TBC1D8: variants seen among roughly 807,000 people sequenced by gnomAD.
TBC1D8 encodes the protein BUB2-like protein 1.
Under a neutral mutation model 118.8 loss-of-function variants are expected in TBC1D8, and 65 were observed. That is an observed-to-expected ratio of 0.55 (90% CI 0.45 to 0.67). TBC1D8 has a LOEUF of 0.67. Ranked by LOEUF, TBC1D8 falls within the 30% of genes least tolerant of loss-of-function variation. The pLI, the probability that TBC1D8 is intolerant of heterozygous loss-of-function variation, is 0.00. For missense variants in TBC1D8, 1,376 were observed against 1,471.2 expected (o/e 0.94, Z 1.06); for synonymous variants, 566 against 595.8 (o/e 0.95, Z 0.73).
At chr2:101,055,804 C>T (rs1682385277) in intron 3 of TBC1D8, among the ~76,000 whole-genome samples, 1 of 151,982 alleles carries the variant, frequency 6.6e-6, no homozygotes, top group African/African-American at 2.4e-5. Flanking sequence ...ACTCCTGGGC[C>T]CCAAGCCTCA....
At chr2:101,026,578 C>T (rs999551447) in intron 15 of TBC1D8, among the ~76,000 whole-genome samples, 12 of 152,194 alleles carry the variant, frequency 7.9e-5, no homozygotes, top group South Asian at 6.2e-4. Flanking sequence ...AACCTGGGCT[C>T]AGGAGGGAAA....
Position 101,022,455 on chromosome 2 carries a change from G to A in TBC1D8, c.2587C>T (p.Arg863Trp), listed in dbSNP as rs1488631544. 13 of 1,609,658 alleles carry A rather than the reference G, an allele frequency of 8.1e-6. No individual in the cohort carries two copies. Among genetic ancestry groups the A allele is most frequent in the Middle Eastern group, 1.7e-4 (1 of 6,058 alleles). ...RPMASRHDPSRPYAEQYRIDA... is the reference protein window; with the variant it reads ...RPMASRHDPSWPYAEQYRIDA... ...ATGCGGTACTGCTCAGCATAGGGCC[G>A]GCTGGGGTCGTGGCGTGAGGCCATG... The change falls in exon 16 of 20, where the codon CGG becomes TGG. Residue 863 changes from arginine (R) to tryptophan (W), a missense_variant. Coordinates refer to ENST00000409318, the MANE Select transcript of TBC1D8 (RefSeq NM_001330348.2).
At chr2:101,135,228 C>T (rs551102393) in intron 1 of TBC1D8, among the ~76,000 whole-genome samples, 12 of 152,272 alleles carry the variant, frequency 7.9e-5, no homozygotes, top group African/African-American at 2.4e-4. Context: ...GTGAGATACA[C>T]GTCTTGTCAA....
intron 17 of TBC1D8, chr2:101,017,869 C>T (rs1347006431): frequency 1.9e-6 from 3 of 1,550,716 alleles, no homozygotes; most frequent in African/African-American, 2.7e-5. Context: ...GTCTTCAAAA[C>T]GATGATCTCT....
rs186902771 is a variant in TBC1D8 at position 101,079,029 on chromosome 2, C to T, written c.283+11180G>A. ...GAGAGACCAGAGTAGGCAGGCAACA[C>T]ACCCACTGGGGTCAGACCAGCAAAA... On this transcript the variant is annotated intron_variant, in intron 2 of 19. Coordinates refer to ENST00000409318, the MANE Select transcript of TBC1D8 (RefSeq NM_001330348.2). Among the ~76,000 whole-genome samples the T allele has an allele frequency of 2.3e-4, 35 of 152,296 alleles. 1 individual carries two copies. The East Asian group carries it at 6.0e-3, about 26-fold the overall frequency.
intron 5 of TBC1D8, among the ~76,000 whole-genome samples, chr2:101,049,100 AT>A (rs758389240): frequency 1.3e-5 from 2 of 152,200 alleles, no homozygotes; most frequent in South Asian, 2.1e-4. Flanking sequence ...CCTGCTTTCA[AT>A]TCTTTAGCGT....
chr2:101,028,422 G>C lies in TBC1D8; in HGVS notation c.2233C>G (p.His745Asp). The change falls in exon 13 of 20, where the codon CAC becomes GAC. Residue 745 changes from histidine to aspartate, a missense_variant. By Grantham distance (81) the His-to-Asp change is moderately conservative. Transcript: ENST00000409318. ...ALMILSRFLD[H>D]IKNEDSPGPP... Reference sequence around the variant, plus strand: ...CCTGGGCTGTCCTCATTCTTAATGTGATCTAGAAACCTGAACACACCGCCC... The same window carrying C: ...CCTGGGCTGTCCTCATTCTTAATGTCATCTAGAAACCTGAACACACCGCCC... The C allele has an allele frequency of 6.3e-7, 1 of 1,577,894 alleles. No homozygotes were observed. The highest frequency in any genetic ancestry group is 8.6e-7 in the Non-Finnish European group (1 of 1,163,688).
chr2:101,139,375 C>T (rs1028257295), intron 1 of TBC1D8, among the ~76,000 whole-genome samples: 1 of 152,056 alleles, frequency 6.6e-6, no homozygotes, highest in African/African-American at 2.4e-5. Flanking sequence ...TGCCTTCATC[C>T]GCCATCCCTA....
At position 101,138,932 on chromosome 2, in the gene TBC1D8, C is replaced by A. The variant is rs143361348; in HGVS notation, c.127+12195G>T. Reference sequence around the variant, plus strand: ...CTGGTGACCAGTCTCCACCCAGGAGCCCACCAAGAGTCACCTCATTAGAAC... The same window carrying A: ...CTGGTGACCAGTCTCCACCCAGGAGACCACCAAGAGTCACCTCATTAGAAC... On this transcript the variant is annotated intron_variant, in intron 1 of 19. Coordinates refer to ENST00000409318, the MANE Select transcript of TBC1D8 (RefSeq NM_001330348.2). Among the ~76,000 whole-genome samples, 1,111 of 152,216 alleles carry A rather than the reference C, an allele frequency of 7.3e-3. 14 individuals are homozygous for A. The highest frequency in any genetic ancestry group is 9.3e-3 in the Non-Finnish European group (635 of 68,000).
rs561049681 is a variant in TBC1D8 at position 101,144,354 on chromosome 2, A to C, written c.127+6773T>G. Among the ~76,000 whole-genome samples the C allele has an allele frequency of 2.4e-3, 363 of 152,172 alleles. 4 individuals are homozygous for C. Among genetic ancestry groups the C allele is most frequent in the African/African-American group, 8.6e-3 (356 of 41,526 alleles). On this transcript the variant is annotated intron_variant, in intron 1 of 19. Transcript: ENST00000409318. ...GGTACATCTCCAGGAAGTGGAGCTC[A>C]GGCGGAGCCCCAAAGGTTCACAAGA...
intron 11 of TBC1D8, among the ~76,000 whole-genome samples, chr2:101,030,192 A>T (rs543974877): frequency 6.6e-6 from 1 of 152,358 alleles, no homozygotes; most frequent in South Asian, 2.1e-4. Flanking sequence ...GACTTCATCA[A>T]AATTAAAACT....
At chr2:101,058,316 A>G (rs983731259) in intron 3 of TBC1D8, among the ~76,000 whole-genome samples, 2 of 152,218 alleles carry the variant, frequency 1.3e-5, no homozygotes, top group African/African-American at 2.4e-5. Flanking sequence ...GTTCCTCCAA[A>G]ATCAAAAATC....
intron 3 of TBC1D8, among the ~76,000 whole-genome samples, chr2:101,054,582 C>T (rs867910002): frequency 2.6e-4 from 40 of 151,596 alleles, no homozygotes; most frequent in South Asian, 1.0e-3. Flanking sequence ...ACCAGTCTCT[C>T]ACTCGGCCAC....
chr2:101,131,513 CA>C (rs1004288067), intron 1 of TBC1D8, among the ~76,000 whole-genome samples: 3 of 142,570 alleles, frequency 2.1e-5, no homozygotes, highest in Admixed American at 1.4e-4. Context: ...AACTCCGTTT[CA>C]AAAAAAAAAC....
intron 1 of TBC1D8, among the ~76,000 whole-genome samples, chr2:101,120,249 C>T (rs1171951657): frequency 1.3e-5 from 2 of 152,196 alleles, no homozygotes; most frequent in Admixed American, 1.3e-4. Context: ...CCGCTGCTCC[C>T]AACTCAAACC....
At chr2:101,145,623 A>T (rs1679288693) in intron 1 of TBC1D8, among the ~76,000 whole-genome samples, 1 of 152,206 alleles carries the variant, frequency 6.6e-6, no homozygotes, top group South Asian at 2.1e-4. Context: ...CAAGCCTTGT[A>T]ACCCCACATG....
chr2:101,146,009 CAAACCTACCAGGT>C (rs1425891739), intron 1 of TBC1D8, among the ~76,000 whole-genome samples: 1 of 151,956 alleles, frequency 6.6e-6, no homozygotes, highest in Admixed American at 6.6e-5. Flanking sequence ...TTTCTTCTGT[CAAACCTACCAGGT>C]GCCAAGCACA....
rs777249286 is a variant in TBC1D8 at position 101,090,322 on chromosome 2, G to T, written c.170C>A (p.Ala57Glu). 1 of 1,613,890 alleles carries T rather than the reference G, an allele frequency of 6.2e-7. No homozygotes were observed. Among genetic ancestry groups the T allele is most frequent in the Admixed American group, 1.7e-5 (1 of 60,004 alleles). Residue 57 changes from alanine to glutamate, a missense_variant, in exon 2 of 20, where the codon GCA becomes GAA. By Grantham distance (107) the Ala-to-Glu change is moderately radical (BLOSUM62 -1). Transcript: ENST00000409318. ...CAGAATTCGAAATGGAGCGACCCGT[G>T]CATTGGAATCCAACACTGCATCCAG... Reference protein sequence around the residue: ...GALDAVLDSNARVAPFRILLQ... With the variant: ...GALDAVLDSNERVAPFRILLQ...
intron 1 of TBC1D8, among the ~76,000 whole-genome samples, chr2:101,139,194 C>T (rs1342374978): frequency 6.6e-6 from 1 of 152,074 alleles, no homozygotes; most frequent in Non-Finnish European, 1.5e-5. Context: ...CTCCCTCGAC[C>T]TATTCAAATC....
Sources: allele counts gnomAD v4.1 joint callset (sites outside exome capture counted in the v4.1 genomes callset), GRCh38; gene constraint gnomAD v4.1.1; transcripts MANE v1.5; gene names NCBI Gene and HGNC (gene_info 2026-07-23, HGNC 2026-07-21).